The following DCAF1 variants were observed in gnomAD, a reference collection of about 807,000 sequenced individuals.
The protein encoded by DCAF1 is DDB1- and CUL4-associated factor 1.
A neutral mutation model predicts 128.0 loss-of-function variants in DCAF1; 15 were observed. The ratio of observed to expected loss-of-function variants is 0.12; its 90% confidence interval spans 0.08 to 0.18. The LOEUF (loss-of-function observed/expected upper bound fraction) is 0.18, where lower values mean the gene tolerates loss of function less well. DCAF1 is among the 10% of genes least tolerant of loss of function. DCAF1 has a pLI of 1.00. For synonymous variants in DCAF1, 610 were observed against 603.0 expected (o/e 1.01, Z -0.17); for missense variants, 988 against 1,649.5 (o/e 0.60, Z 6.95).
chr3:51,423,385 C>T (rs1553633144), intron 13 of DCAF1, among the ~76,000 whole-genome samples: 1 of 151,662 alleles, frequency 6.6e-6, no homozygotes, highest in African/African-American at 2.4e-5. Flanking sequence ...GCCTGTAGTC[C>T]CAGCTACTCG....
intron 6 of DCAF1, among the ~76,000 whole-genome samples, chr3:51,444,360 T>G (rs1480415642): frequency 7.3e-6 from 1 of 137,200 alleles, no homozygotes; most frequent in South Asian, 2.4e-4. Context: ...ACCTTCTTTT[T>G]AAAAAAAAAA....
chr3:51,396,787 A>G (rs914009810), downstream of DCAF1: 1 of 167,160 alleles, frequency 6.0e-6, no homozygotes, highest in Non-Finnish European at 1.5e-5. Flanking sequence ...TGCTCCCAGC[A>G]GAGTTGAGAC....
intron 3 of DCAF1, among the ~76,000 whole-genome samples, chr3:51,476,703 C>G (rs1257741163): frequency 6.6e-6 from 1 of 151,714 alleles, no homozygotes; most frequent in Non-Finnish European, 1.5e-5. Context: ...CGGTGAAACC[C>G]TGTCTCTACT....
chr3:51,413,283 T>C lies in DCAF1; in HGVS notation c.4035A>G (p.Ile1345Met), dbSNP rs1559480674. The C allele has an allele frequency of 6.2e-7, 1 of 1,613,108 alleles. No individual in the cohort carries two copies. Residue 1345 changes from isoleucine (I) to methionine (M), a missense_variant and splice_region_variant, in exon 21 of 25, where the codon ATA becomes ATG. By Grantham distance (10) the Ile-to-Met change is conservative. Around this residue, in one of 11 missense-constraint regions of DCAF1, gnomAD observed 85 missense variants for 204.6 expected, o/e 0.42. Transcript: ENST00000684031. ...RTFNATDYKP[I>M]ATIDVKRNIF... ...CAATGTCTGTCCCTTTCTGCTTACC[T>C]ATAGGTTTGTAGTCAGTTGCATTAA...
chr3:51,419,693 T>G, intron 15 of DCAF1, 41 bp downstream of exon 15: 1 of 1,545,790 alleles, frequency 6.5e-7, no homozygotes, highest in Non-Finnish European at 8.7e-7. Flanking sequence ...AATAAAAGAA[T>G]CATTCCAATT....
At chr3:51,410,587 A>T (rs1187854673) in intron 23 of DCAF1, among the ~76,000 whole-genome samples, 1 of 152,208 alleles carries the variant, frequency 6.6e-6, no homozygotes, top group Non-Finnish European at 1.5e-5. Flanking sequence ...TTGCCCTAGT[A>T]TTAGACTTAC....
chr3:51,464,708 T>C (rs996251795), intron 5 of DCAF1, among the ~76,000 whole-genome samples: 2 of 148,384 alleles, frequency 1.3e-5, no homozygotes, highest in Non-Finnish European at 3.0e-5. Flanking sequence ...TGTAATTCAA[T>C]AGAGGTGACA....
At chr3:51,484,044 A>C (rs1180799248) in intron 2 of DCAF1, among the ~76,000 whole-genome samples, 1 of 152,180 alleles carries the variant, frequency 6.6e-6, no homozygotes, top group African/African-American at 2.4e-5. Context: ...AGTGATGAAC[A>C]AGTACTTTCG....
At chr3:51,458,782 A>G (rs1256552267) in intron 6 of DCAF1, among the ~76,000 whole-genome samples, 1 of 152,224 alleles carries the variant, frequency 6.6e-6, no homozygotes, top group Non-Finnish European at 1.5e-5. Context: ...GCTCAACTAC[A>G]TGAAAACTGA....
At chr3:51,495,086 G>A (rs1211764009) in intron 2 of DCAF1, among the ~76,000 whole-genome samples, 6 of 152,102 alleles carry the variant, frequency 3.9e-5, no homozygotes, top group African/African-American at 1.4e-4. Context: ...ACTTTGGGAG[G>A]CCAATGCGGG....
intron 14 of DCAF1, among the ~76,000 whole-genome samples, chr3:51,421,288 G>C (rs1559491455): frequency 6.6e-6 from 1 of 151,986 alleles, no homozygotes; most frequent in Non-Finnish European, 1.5e-5. Context: ...GCAGAGTCTC[G>C]CTCTGTCGCC....
chr3:51,466,944 C>T lies in DCAF1; in HGVS notation c.188-68G>A. On this transcript the variant is annotated intron_variant, in intron 4 of 24. Transcript: ENST00000684031. ...GTCATCCCAGTCAAGCAACTTAGAC[C>T]TCTGGAAAGGCACCTGGGTTGTTAT... The T allele has an allele frequency of 2.1e-6, 3 of 1,434,052 alleles. No individual in the cohort carries two copies. In the South Asian group the frequency reaches 3.5e-5, roughly 17 times the overall value. The allele number at this position is 1,434,052 out of a possible 1,614,324, so 88.8% of individuals were successfully genotyped here.
intron 19 of DCAF1, 76 bp from the exon 20 acceptor site, chr3:51,414,119 C>A: frequency 6.8e-7 from 1 of 1,460,450 alleles, no homozygotes; most frequent in Non-Finnish European, 9.1e-7. Flanking sequence ...TCTAAAATAT[C>A]ACTTTTTTTC....
chr3:51,405,210 A>C (rs2090020390), intron 23 of DCAF1, among the ~76,000 whole-genome samples: 1 of 152,260 alleles, frequency 6.6e-6, no homozygotes, highest in South Asian at 2.1e-4. Context: ...TTGAGTGTGT[A>C]CATGAAAGGT....
chr3:51,438,284 G>C (rs546601896), intron 9 of DCAF1, among the ~76,000 whole-genome samples: 33 of 152,042 alleles, frequency 2.2e-4, no homozygotes, highest in Middle Eastern at 3.4e-3. Flanking sequence ...GATTGCTTAC[G>C]ATATACCAGT....
chr3:51,414,830 G>C lies in DCAF1; in HGVS notation c.3631C>G (p.Leu1211Val). Residue 1211 changes from leucine (L) to valine (V), a missense_variant, in exon 19 of 25, where the codon CTG (leucine) becomes GTG (valine). Around this residue, in one of 11 missense-constraint regions of DCAF1, gnomAD observed 61 missense variants for 78.3 expected, o/e 0.78. Coordinates refer to ENST00000684031, the MANE Select transcript of DCAF1 (RefSeq NM_001387579.1). Reference sequence around the variant, plus strand: ...AGATCTGGGTTAAACAGAGTCAACAGCTTGTTGCCAGTCTGAATATCATAA... The same window carrying C: ...AGATCTGGGTTAAACAGAGTCAACACCTTGTTGCCAGTCTGAATATCATAA... ...HIYDIQTGNK[L>V]LTLFNPDLAN... 6.2e-7 allele frequency: 1 copy of C among 1,614,010 alleles called. No individual in the cohort carries two copies. The highest frequency in any genetic ancestry group is 1.3e-5 in the African/African-American group (1 of 75,056).
At chr3:51,423,979 A>C (rs1553633365) in intron 13 of DCAF1, among the ~76,000 whole-genome samples, 1 of 152,166 alleles carries the variant, frequency 6.6e-6, no homozygotes, top group Non-Finnish European at 1.5e-5. Context: ...AGCCATTGAC[A>C]ATCATTTTCA....
intron 19 of DCAF1, 41 bp from the exon 20 acceptor site, chr3:51,414,084 C>A: frequency 1.3e-6 from 2 of 1,528,258 alleles, no homozygotes; most frequent in Admixed American, 2.2e-5. Context: ...TTACACAAAA[C>A]TTATCTAATC....
intron 9 of DCAF1, among the ~76,000 whole-genome samples, chr3:51,438,571 T>TA (rs1281803446): frequency 6.6e-6 from 1 of 152,236 alleles, no homozygotes; most frequent in Non-Finnish European, 1.5e-5. Flanking sequence ...AGCACAAAAA[T>TA]AAAAAGTTAT....
Sources: gnomAD v4.1 joint callset for allele counts (sites outside exome capture counted in the v4.1 genomes callset) on GRCh38, gnomAD v4.1.1 for gene constraint, gnomAD v4.1.1 regional missense constraint, MANE v1.5 for transcripts, NCBI Gene and HGNC (gene_info 2026-07-23, HGNC 2026-07-21) for gene names.